The following TMEM87A variants were observed in gnomAD, a reference collection of about 807,000 sequenced individuals.
The protein encoded by TMEM87A is transmembrane protein 87A, also known as Golgi-pH regulating cation channel.
Under a neutral mutation model 90.0 loss-of-function variants are expected in TMEM87A, and 50 were observed. That is an observed-to-expected ratio of 0.56 (90% CI 0.44 to 0.70). The LOEUF (loss-of-function observed/expected upper bound fraction) is 0.70, where lower values mean the gene tolerates loss of function less well. Among genes scored for constraint, TMEM87A ranks in the 30% least tolerant of loss-of-function variants. TMEM87A has a pLI of 0.00. For missense variants in TMEM87A, 577 were observed against 660.5 expected (o/e 0.87, Z 1.39); for synonymous variants, 226 against 226.7 (o/e 1.00, Z 0.03).
chr15:42,219,986 G>T, intron 16 of TMEM87A, 76 bp downstream of exon 16: 1 of 1,339,080 alleles, frequency 7.5e-7, no homozygotes, highest in Non-Finnish European at 1.0e-6. Flanking sequence ...GAACAACACA[G>T]TTATAAAATA....
In TMEM87A at chr15:42,238,003, ATATGTGTGTGTGTG is replaced by A. The variant is rs1379917342; in HGVS notation, c.685-402_685-389del. On this transcript the variant is annotated intron_variant, in intron 8 of 19. Coordinates refer to ENST00000389834, the MANE Select transcript of TMEM87A (RefSeq NM_015497.5). ...CGAATGCTCTCATATGTATATATAT[ATATGTGTGTGTGTG>A]TGTGTGTGTGTGTGTGTGTATGTAT... Among the ~76,000 whole-genome samples the A allele has an allele frequency of 8.4e-4, 127 of 150,840 alleles. 2 individuals carry two copies. Among genetic ancestry groups the A allele is most frequent in the Admixed American group, 6.5e-3 (98 of 15,134 alleles).
rs761134188 is a variant in TMEM87A, at chr15:42,227,810, G to T, written c.1241-41C>A. The T allele has an allele frequency of 3.8e-6, 6 of 1,577,478 alleles. No individual in the cohort carries two copies. In the African/African-American group the frequency reaches 6.7e-5, roughly 18 times the overall value. On this transcript the variant is annotated intron_variant, in intron 13 of 19. Transcript: ENST00000389834. ...AAACCAGGTCAGAGTATGAATGCTG[G>T]TTTACATCCCCAATTACATTCCCCC...
intron 8 of TMEM87A, among the ~76,000 whole-genome samples, chr15:42,238,022 T>C (rs1265318236): frequency 1.3e-5 from 2 of 151,856 alleles, no homozygotes; most frequent in Admixed American, 1.3e-4. Flanking sequence ...TGTGTGTGTG[T>C]GTGTGTGTGT....
chr15:42,243,269 A>AAAATAAAT lies in TMEM87A; in HGVS notation c.622+773_622+780dup, dbSNP rs1204941803. ...GGCGACAGAGTGAGATTCCATCTCA[A>AAAATAAAT]AAATAAATAAATAAATAAATAAATA... On this transcript the variant is annotated intron_variant, in intron 7 of 19. Transcript: ENST00000389834. 4.7e-3 allele frequency among the ~76,000 whole-genome samples: 550 copies of AAAATAAAT among 117,596 alleles called. 15 individuals are homozygous for AAAATAAAT. The highest frequency in any genetic ancestry group is 0.039 in the Admixed American group (404 of 10,418). The allele number at this position is 117,596 out of a possible 152,430, so 77.1% of individuals were successfully genotyped here.
At chr15:42,227,800 A>G in intron 13 of TMEM87A, 31 bp from the exon 14 acceptor site, 4 of 1,605,044 alleles carry the variant, frequency 2.5e-6, no homozygotes, top group Non-Finnish European at 2.6e-6. Flanking sequence ...AGGTCAGAGT[A>G]TGAATGCTGG....
chr15:42,268,083 T>G (rs774771981), intron 2 of TMEM87A, 51 bp from the exon 3 acceptor site: 1 of 1,519,964 alleles, frequency 6.6e-7, no homozygotes, highest in Non-Finnish European at 9.1e-7. Context: ...CAACAAAGCA[T>G]TTTTCCTAAG....
At chr15:42,261,033 A>T in intron 5 of TMEM87A, 31 bp from the exon 6 acceptor site, 2 of 1,582,602 alleles carry the variant, frequency 1.3e-6, no homozygotes, top group Non-Finnish European at 1.7e-6. Context: ...ATAATAATTA[A>T]TTCAGAACTT....
Position 42,236,374 on chromosome 15 carries a change from C to G in TMEM87A, c.914G>C (p.Arg305Pro). ...ILAELLSAVK[R>P]SLARTLVIIV... ...GATGACCAGGGTTCGAGCCAGTGAG[C>G]GTTTCACTGCTGAAAGCAGCTCTGC... Residue 305 changes from arginine to proline, a missense_variant, in exon 10 of 20, where the codon CGC becomes CCC. Arg to Pro is a moderately radical substitution (Grantham distance 103). Transcript: ENST00000389834. 6.2e-7 allele frequency: 1 copy of G among 1,614,050 alleles called. No homozygotes were observed. The highest frequency in any genetic ancestry group is 8.5e-7 in the Non-Finnish European group (1 of 1,179,956).
rs1160881488 is a variant in TMEM87A, at chr15:42,250,445, C to T, written c.505-6278G>A. Among the ~76,000 whole-genome samples the T allele has an allele frequency of 4.6e-5, 7 of 152,244 alleles. No individual in the cohort carries two copies. The South Asian group carries it at 6.2e-4, about 14-fold the overall frequency. On this transcript the variant is annotated intron_variant, in intron 6 of 19. Coordinates refer to ENST00000389834, the MANE Select transcript of TMEM87A (RefSeq NM_015497.5). The stretch of plus-strand genomic sequence containing the variant: ...ACGTTTAGTGCTTCCTTCCGGAACT[C>T]TTGTAGGGCAGGCCTGGTGGTGACA...
At chr15:42,229,949 C>A (rs543927064) in intron 12 of TMEM87A, among the ~76,000 whole-genome samples, 1 of 152,282 alleles carries the variant, frequency 6.6e-6, no homozygotes, top group South Asian at 2.1e-4. Flanking sequence ...CCTCAGGCTC[C>A]CGAGCAGCTG....
chr15:42,260,663 T>C (rs911104846), intron 6 of TMEM87A, among the ~76,000 whole-genome samples: 8 of 152,216 alleles, frequency 5.3e-5, no homozygotes, highest in African/African-American at 7.2e-5. Flanking sequence ...TAATTTTAGA[T>C]GAAGTTTAAG....
At chr15:42,268,097 T>C in intron 2 of TMEM87A, 65 bp from the exon 3 acceptor site, 6 of 1,383,738 alleles carry the variant, frequency 4.3e-6, no homozygotes, top group Non-Finnish European at 5.1e-6. Context: ...TCCTAAGCTG[T>C]TAACCTATAT....
At chr15:42,262,389 G>A (rs1300826760) in intron 4 of TMEM87A, 1 of 151,140 alleles carries the variant, frequency 6.6e-6, no homozygotes, top group East Asian at 1.9e-4. Context: ...TAATAAAAGC[G>A]GAACTCTTCC....
At chr15:42,261,099 G>T in intron 5 of TMEM87A, 97 bp from the exon 6 acceptor site, 1 of 1,543,074 alleles carries the variant, frequency 6.5e-7, no homozygotes, top group Non-Finnish European at 8.8e-7. Context: ...CTCCCCAGGT[G>T]CAGCACTCCC....
Position 42,267,972 on chromosome 15 carries a change from C to T in TMEM87A, c.266G>A (p.Cys89Tyr). 6.2e-7 allele frequency: 1 copy of T among 1,613,138 alleles called. No homozygotes were observed. The highest frequency in any genetic ancestry group is 8.5e-7 in the Non-Finnish European group (1 of 1,179,578). The change falls in exon 3 of 20, where the codon TGT becomes TAT. Residue 89 changes from cysteine to tyrosine, a missense_variant. Physicochemically the swap from Cys to Tyr is radical, Grantham distance 194 (BLOSUM62 -2). Coordinates refer to ENST00000389834, the MANE Select transcript of TMEM87A (RefSeq NM_015497.5). The part of the protein sequence containing the change: ...NITWYLKSAD[C>Y]YNEIYNFKAE... ...CTTGAAGTTATAGATTTCATTGTAACAATCAGCGCTTTTCAGATACCAGGT... is the reference window on the plus strand; with the variant it reads ...CTTGAAGTTATAGATTTCATTGTAATAATCAGCGCTTTTCAGATACCAGGT...
At chr15:42,247,429 T>G (rs1170026385) in intron 6 of TMEM87A, among the ~76,000 whole-genome samples, 2 of 152,230 alleles carry the variant, frequency 1.3e-5, no homozygotes, top group Non-Finnish European at 2.9e-5. Context: ...GGTCTAACAT[T>G]TAAGTCTTTA....
rs201805643 is a variant in TMEM87A at position 42,272,328 on chromosome 15, CAG to C, written c.145-207_145-206del. ...ATGAACTATTCTGTGTGCAAATAAC[CAG>C]AGTTTTATTTTCAAATCTAAAAAGA... On this transcript the variant is annotated intron_variant, in intron 1 of 19. Transcript: ENST00000389834. Among the ~76,000 whole-genome samples, 964 of 152,234 alleles carry C rather than the reference CAG, an allele frequency of 6.3e-3. 9 individuals are homozygous for C. Among genetic ancestry groups the C allele is most frequent in the African/African-American group, 0.023 (935 of 41,536 alleles).
intron 15 of TMEM87A, among the ~76,000 whole-genome samples, chr15:42,225,837 G>A (rs943711442): frequency 2.6e-5 from 4 of 151,300 alleles, no homozygotes; most frequent in African/African-American, 7.3e-5. Context: ...GTGCCTGGTT[G>A]ACACAATAGA....
chr15:42,273,536 GC>G, upstream of TMEM87A: 1 of 1,422,314 alleles, frequency 7.0e-7, no homozygotes, highest in South Asian at 1.4e-5. Context: ...CGGCGTAGCG[GC>G]CCCTCTCTCA....
Sources: allele counts gnomAD v4.1 joint callset (sites outside exome capture counted in the v4.1 genomes callset), GRCh38; gene constraint gnomAD v4.1.1; transcripts MANE v1.5; gene names NCBI Gene and HGNC (gene_info 2026-07-23, HGNC 2026-07-21).